The following TRIM5 variants were observed in gnomAD, a reference collection of about 807,000 sequenced individuals.
The protein encoded by TRIM5 is tripartite motif-containing protein 5.
A neutral mutation model predicts 35.6 loss-of-function variants in TRIM5; 31 were observed. The ratio of observed to expected loss-of-function variants is 0.87; its 90% confidence interval spans 0.65 to 1.18. The LOEUF (loss-of-function observed/expected upper bound fraction) is 1.18. Ranked by LOEUF, TRIM5 falls within the 50% of genes most tolerant of loss-of-function variation. TRIM5 has a pLI of 0.00. For synonymous variants in TRIM5, 243 were observed against 215.6 expected, an observed-to-expected ratio of 1.13 and a Z score of -1.11; for missense variants, 609 against 591.6, an observed-to-expected ratio of 1.03 and a Z score of -0.31.
chr11:5,658,242 C>T (rs1364012957), downstream of TRIM5, among the ~76,000 whole-genome samples: 5 of 152,192 alleles, frequency 3.3e-5, no homozygotes, highest in Middle Eastern at 3.2e-3. Context: ...GGAAGGCCAG[C>T]GACCAATGGA....
the TRIM5 span, chr11:5,604,626 G>GA: frequency 6.2e-7 from 1 of 1,610,810 alleles, no homozygotes; most frequent in Non-Finnish European, 8.5e-7. Context: ...AAACATCCTG[G>GA]AAGGCAAGGG....
chr11:5,630,721 GTCT>G, the TRIM5 span, among the ~76,000 whole-genome samples: 1 of 151,834 alleles, frequency 6.6e-6, no homozygotes, highest in Non-Finnish European at 1.5e-5. Flanking sequence ...ACATTATTTG[GTCT>G]TCTAAAAACC....
chr11:5,683,210 C>T (rs572078598), intron 1 of TRIM5, among the ~76,000 whole-genome samples: 230 of 152,344 alleles, frequency 1.5e-3, no homozygotes, highest in African/African-American at 5.3e-3. Context: ...TCCTGTGCTG[C>T]GCGAGCGTCC....
chr11:5,669,553 AATCAAATAGTTTTGC>A (rs1260470314), intron 4 of TRIM5, among the ~76,000 whole-genome samples: 1 of 152,232 alleles, frequency 6.6e-6, no homozygotes, highest in East Asian at 1.9e-4. Flanking sequence ...CTACACATAC[AATCAAATAGTTTTGC>A]TTTTTGTATT....
At chr11:5,681,018 A>G (rs1175184866) in intron 1 of TRIM5, among the ~76,000 whole-genome samples, 1 of 152,198 alleles carries the variant, frequency 6.6e-6, no homozygotes, top group Non-Finnish European at 1.5e-5. Flanking sequence ...GGAATCCACA[A>G]CAGCTGGGAG....
chr11:5,646,969 A>C, the TRIM5 span, among the ~76,000 whole-genome samples: 1 of 152,208 alleles, frequency 6.6e-6, no homozygotes, highest in African/African-American at 2.4e-5. Flanking sequence ...TTGGTGCCTT[A>C]ACAAAACGAT....
intron 4 of TRIM5, among the ~76,000 whole-genome samples, chr11:5,674,140 C>CA (rs890918718): frequency 6.6e-5 from 10 of 151,306 alleles, no homozygotes; most frequent in East Asian, 3.9e-4. Context: ...ACTAAAAGGA[C>CA]AAAAAAAGGG....
chr11:5,667,534 G>A (rs1054616563), intron 5 of TRIM5, among the ~76,000 whole-genome samples, 155 bp downstream of exon 5: 27 of 152,094 alleles, frequency 1.8e-4, no homozygotes, highest in African/African-American at 4.8e-4. Context: ...TAGAACATTC[G>A]AATGCTGATT....
the TRIM5 span, chr11:5,643,218 G>C: frequency 6.2e-7 from 1 of 1,612,448 alleles, no homozygotes; most frequent in African/African-American, 1.3e-5. Context: ...AGTGATATCT[G>C]TGCCAATTTG....
At chr11:5,655,755 T>G in the TRIM5 span, 2 of 903,956 alleles carry the variant, frequency 2.2e-6, no homozygotes, top group Non-Finnish European at 2.6e-6. Context: ...GCAGGACATA[T>G]AAAATCATTC....
the TRIM5 span, chr11:5,634,530 C>CATATATATATATATATATATATATATAT: frequency 2.9e-5 from 6 of 203,874 alleles, no homozygotes; most frequent in African/African-American, 2.1e-4. Flanking sequence ...CACACACACA[C>CATATATATATATATATATATATATATAT]ATATATATAT....
At chr11:5,678,981 T>G (rs1852209362) in intron 3 of TRIM5, 93 bp downstream of exon 3, 6 of 1,052,140 alleles carry the variant, frequency 5.7e-6, no homozygotes, top group South Asian at 1.3e-5. Context: ...CTTCTGGACT[T>G]ATCAAATGTC....
the TRIM5 span, among the ~76,000 whole-genome samples, chr11:5,606,497 C>T: frequency 1.3e-5 from 2 of 152,036 alleles, no homozygotes; most frequent in Admixed American, 1.3e-4. Context: ...CTTGCTCCTT[C>T]TTTCTTGGTG....
At chr11:5,597,467 A>G in the TRIM5 span, among the ~76,000 whole-genome samples, 3 of 152,330 alleles carry the variant, frequency 2.0e-5, no homozygotes, top group Admixed American at 2.0e-4. Flanking sequence ...TTATGTTCCA[A>G]TTCAAATATT....
the TRIM5 span, among the ~76,000 whole-genome samples, chr11:5,615,274 A>T: frequency 6.6e-6 from 1 of 152,192 alleles, no homozygotes; most frequent in Non-Finnish European, 1.5e-5. Flanking sequence ...TTCAATTAAC[A>T]TCATGTTAGT....
chr11:5,630,685 A>G, the TRIM5 span, among the ~76,000 whole-genome samples: 1 of 152,178 alleles, frequency 6.6e-6, no homozygotes, highest in East Asian at 1.9e-4. Flanking sequence ...TCCAAGCAAG[A>G]TATCTTGGAT....
the TRIM5 span, among the ~76,000 whole-genome samples, chr11:5,614,699 T>C: frequency 6.6e-6 from 1 of 152,178 alleles, no homozygotes; most frequent in African/African-American, 2.4e-5. Flanking sequence ...GGTATAGTTA[T>C]CCTAATATTT....
Position 5,663,722 on chromosome 11 carries a change from G to T in TRIM5, c.*1087C>A. 2.8e-6 allele frequency: 1 copy of T among 352,848 alleles called. No homozygotes were observed. The highest frequency in any genetic ancestry group is 2.2e-5 in the African/African-American group (1 of 45,340). 21.9% of individuals were successfully genotyped at this position (352,848 alleles called of 1,614,324 possible). On this transcript the variant is annotated 3_prime_UTR_variant, in exon 8 of 8. Transcript: ENST00000380034. ...TATACATTGCGTAATAACCGAACCAGGGTAATTAGCATATCCATCACCTCA... is the reference window on the plus strand; with the variant it reads ...TATACATTGCGTAATAACCGAACCATGGTAATTAGCATATCCATCACCTCA...
chr11:5,591,517 A>T, the TRIM5 span, among the ~76,000 whole-genome samples: 1 of 152,190 alleles, frequency 6.6e-6, no homozygotes, highest in Non-Finnish European at 1.5e-5. Context: ...GCGTGTTGGC[A>T]CATGCCTGTA....
Sources: allele counts gnomAD v4.1 joint callset (sites outside exome capture counted in the v4.1 genomes callset), GRCh38; gene constraint gnomAD v4.1.1; transcripts MANE v1.5; gene names NCBI Gene and HGNC (gene_info 2026-07-23, HGNC 2026-07-21).